The following ADD2 variants were observed in gnomAD, a reference collection of about 807,000 sequenced individuals.
The protein encoded by ADD2 is adducin 2.
In ADD2, 23 loss-of-function variants were observed where a neutral mutation model predicts 83.0. The ratio of observed to expected loss-of-function variants is 0.28; its 90% CI spans 0.20 to 0.39. ADD2 has a LOEUF of 0.39. ADD2 is among the 10% of genes least tolerant of loss of function. The pLI, the probability that ADD2 is intolerant of heterozygous loss-of-function variation, is 1.00. For missense variants in ADD2, 758 were observed against 944.9 expected, an observed-to-expected ratio of 0.80 and a Z score of 2.59; for synonymous variants, 375 against 375.4, an observed-to-expected ratio of 1.00 and a Z score of 0.01.
At chr2:70,766,574 A>G (rs1435328557) in intron 1 of ADD2, among the ~76,000 whole-genome samples, 5 of 152,206 alleles carry the variant, frequency 3.3e-5, no homozygotes, top group Non-Finnish European at 7.3e-5. Context: ...TTCTCTTAAA[A>G]CGGAACATAA....
intron 4 of ADD2, among the ~76,000 whole-genome samples, chr2:70,697,163 A>G (rs1574256941): frequency 6.6e-6 from 1 of 152,340 alleles, no homozygotes; most frequent in East Asian, 1.9e-4. Flanking sequence ...CCTCCCAAAA[A>G]AAGAAAGCCA....
chr2:70,684,249 AT>A (rs377440242), intron 9 of ADD2, among the ~76,000 whole-genome samples: 10,038 of 151,122 alleles, frequency 0.066, 558 homozygotes, highest in African/African-American at 0.15. Context: ...AATATCTCCT[AT>A]TTTTTTTTAT....
intron 1 of ADD2, among the ~76,000 whole-genome samples, chr2:70,719,574 A>G (rs1672631860): frequency 6.6e-6 from 1 of 152,218 alleles, no homozygotes; most frequent in Non-Finnish European, 1.5e-5. Context: ...ATGGAGAGAC[A>G]GTGCTGAGCT....
intron 2 of ADD2, among the ~76,000 whole-genome samples, chr2:70,708,615 C>T (rs1349982091): frequency 6.6e-6 from 1 of 152,220 alleles, no homozygotes. Context: ...AGTCCCATAG[C>T]TGTCTAGGCC....
chr2:70,741,532 T>C (rs1423062159), intron 1 of ADD2: 1 of 152,222 alleles, frequency 6.6e-6, no homozygotes, highest in Non-Finnish European at 1.5e-5. Flanking sequence ...CCTCTCTACT[T>C]TGGCGTACAG....
At chr2:70,747,007 A>ATTTTTTTTTTTTTTTTT in intron 1 of ADD2, among the ~76,000 whole-genome samples, 1 of 121,226 alleles carries the variant, frequency 8.2e-6, no homozygotes. Flanking sequence ...TCCAATATGG[A>ATTTTTTTTTTTTTTTTT]TTTTTTTTTT....
chr2:70,668,429 C>T (rs1669768056), intron 15 of ADD2, among the ~76,000 whole-genome samples: 1 of 152,206 alleles, frequency 6.6e-6, no homozygotes, highest in Admixed American at 6.5e-5. Flanking sequence ...ACAATGAGCT[C>T]GCCTTCCTGT....
intron 2 of ADD2, among the ~76,000 whole-genome samples, chr2:70,712,452 T>A (rs2863795): frequency 0.4 from 51,446 of 127,358 alleles, 11,347 homozygotes; most frequent in African/African-American, 0.65. Context: ...TCAAAAAAAA[T>A]AAATAAATAA....
At chr2:70,757,320 C>T (rs1674847102) in intron 1 of ADD2, among the ~76,000 whole-genome samples, 1 of 151,686 alleles carries the variant, frequency 6.6e-6, no homozygotes, top group South Asian at 2.1e-4. Flanking sequence ...GGATTGTTGC[C>T]TTTTATTAGA....
In ADD2 at chr2:70,704,474, G is replaced by C. The variant is rs13306100; in HGVS notation, c.184-15C>G. On this transcript the variant is annotated splice_polypyrimidine_tract_variant and intron_variant, in intron 3 of 15. Transcript: ENST00000264436. ...TCCCTGAAAGACTGAAGCAGGCCCC[G>C]AGGTGCTTGTCCCCCCACAGCCTCT... 1.1e-4 allele frequency: 171 copies of C among 1,613,290 alleles called. 1 individual carries two copies. In the East Asian group the frequency reaches 3.6e-3, roughly 34 times the overall value.
intron 15 of ADD2, among the ~76,000 whole-genome samples, chr2:70,666,173 AT>A (rs2104160999): frequency 6.6e-6 from 1 of 152,334 alleles, no homozygotes; most frequent in South Asian, 2.1e-4. Flanking sequence ...TTAGGGCAAA[AT>A]TGTGTCTAAT....
At chr2:70,755,979 A>G (rs915793067) in intron 1 of ADD2, among the ~76,000 whole-genome samples, 7 of 151,614 alleles carry the variant, frequency 4.6e-5, no homozygotes, top group Non-Finnish European at 8.8e-5. Context: ...GAATCGCTTG[A>G]ACCCGGGAGG....
At chr2:70,767,404 C>A in intron 1 of ADD2, 1 of 159,398 alleles carries the variant, frequency 6.3e-6, no homozygotes, top group Non-Finnish European at 1.3e-5. Context: ...CGGCTGAGCG[C>A]CGCGCAGCCA....
At chr2:70,763,084 T>C (rs782090033) in intron 1 of ADD2, among the ~76,000 whole-genome samples, 1 of 152,012 alleles carries the variant, frequency 6.6e-6, no homozygotes, top group Non-Finnish European at 1.5e-5. Context: ...AAAATAAATT[T>C]GAATAACATA....
At chr2:70,767,797 C>T (rs1675485906) in intron 1 of ADD2, 89 bp downstream of exon 1, 2 of 1,510,662 alleles carry the variant, frequency 1.3e-6, no homozygotes, top group Non-Finnish European at 1.8e-6. Context: ...GGCCAAGCGG[C>T]TCCCGCCCGG....
At chr2:70,747,332 A>C (rs1240427870) in intron 1 of ADD2, among the ~76,000 whole-genome samples, 1 of 152,130 alleles carries the variant, frequency 6.6e-6, no homozygotes, top group Non-Finnish European at 1.5e-5. Flanking sequence ...ATGGATTTAA[A>C]CAAGAAAGCT....
chr2:70,667,223 G>C (rs1234047116), intron 15 of ADD2, among the ~76,000 whole-genome samples: 3 of 151,972 alleles, frequency 2.0e-5, no homozygotes, highest in Non-Finnish European at 4.4e-5. Context: ...GAGTAGAGTG[G>C]GGCAGAAGCT....
At chr2:70,726,630 G>A (rs530822501) in intron 1 of ADD2, among the ~76,000 whole-genome samples, 10 of 152,306 alleles carry the variant, frequency 6.6e-5, no homozygotes, top group South Asian at 2.1e-4. Context: ...GAACTTGATG[G>A]AAATGTATAA....
chr2:70,730,321 G>A (rs1553379028), intron 1 of ADD2, among the ~76,000 whole-genome samples: 1 of 152,200 alleles, frequency 6.6e-6, no homozygotes, highest in Non-Finnish European at 1.5e-5. Flanking sequence ...GCACACAGAG[G>A]TTCTTCAAAA....
Sources: gnomAD v4.1 joint callset for allele counts (sites outside exome capture counted in the v4.1 genomes callset) on GRCh38, gnomAD v4.1.1 for gene constraint, MANE v1.5 for transcripts, NCBI Gene and HGNC (gene_info 2026-07-23, HGNC 2026-07-21) for gene names.